DHRSX: variants seen among roughly 807,000 people sequenced by gnomAD.
The protein encoded by DHRSX is dehydrogenase/reductase X-linked.
A neutral mutation model predicts 34.0 loss-of-function variants in DHRSX; 31 were observed. The observed-to-expected ratio is 0.91, with a 90% CI of 0.69 to 1.23. DHRSX has a LOEUF of 1.23. Among genes scored for constraint, DHRSX ranks in the 50% most tolerant of loss-of-function variants. DHRSX has a pLI of 0.00. For synonymous variants in DHRSX, 201 were observed against 183.8 expected, an observed-to-expected ratio of 1.09 and a Z score of -0.76; for missense variants, 414 against 428.1, an observed-to-expected ratio of 0.97 and a Z score of 0.29.
At chrX:2,268,849 G>T (rs2041510614) in intron 4 of DHRSX, among the ~76,000 whole-genome samples, 2 of 152,200 alleles carry the variant, frequency 1.3e-5, no homozygotes, top group African/African-American at 4.8e-5. Context: ...ACATCTACGT[G>T]TATTGCACGC....
At chrX:2,335,350 C>CT (rs1488891413) in intron 3 of DHRSX, among the ~76,000 whole-genome samples, 29 of 151,840 alleles carry the variant, frequency 1.9e-4, no homozygotes, top group Non-Finnish European at 3.4e-4. Context: ...GAGAGGTACA[C>CT]TGGTTCCATC....
chrX:2,282,948 G>C (rs2041746571), intron 4 of DHRSX, among the ~76,000 whole-genome samples: 1 of 151,486 alleles, frequency 6.6e-6, no homozygotes, highest in South Asian at 2.1e-4. Context: ...AGACTGAGGA[G>C]AGAGAGAGAC....
intron 3 of DHRSX, among the ~76,000 whole-genome samples, chrX:2,309,039 A>C (rs1202906950): frequency 6.6e-6 from 1 of 152,168 alleles, no homozygotes; most frequent in Non-Finnish European, 1.5e-5. Flanking sequence ...TATCCTGATA[A>C]TATGTTACAT....
rs190188189 is a variant in DHRSX, at chrX:2,316,273, G to A, written c.287-24670C>T. Among the ~76,000 whole-genome samples, 961 of 152,168 alleles carry A rather than the reference G, an allele frequency of 6.3e-3. 7 individuals carry two copies. The highest frequency in any genetic ancestry group is 0.037 in the Middle Eastern group (11 of 294). Reference sequence around the variant, plus strand: ...TTCTTCAAAACCAGCAAAAAGGGCCGGCTGCGGTGGCTCACGCCTGTAATT... The same window carrying A: ...TTCTTCAAAACCAGCAAAAAGGGCCAGCTGCGGTGGCTCACGCCTGTAATT... On this transcript the variant is annotated intron_variant, in intron 3 of 6. Coordinates refer to ENST00000334651, the MANE Select transcript of DHRSX (RefSeq NM_145177.3).
intron 3 of DHRSX, among the ~76,000 whole-genome samples, chrX:2,341,399 G>A (rs2042637658): frequency 6.6e-6 from 1 of 152,070 alleles, no homozygotes; most frequent in South Asian, 2.1e-4. Flanking sequence ...AATTCTTCCT[G>A]CCTCTCCCAG....
intron 1 of DHRSX, among the ~76,000 whole-genome samples, chrX:2,447,045 T>C (rs1482776187): frequency 6.6e-6 from 1 of 150,806 alleles, no homozygotes; most frequent in Non-Finnish European, 1.5e-5. Flanking sequence ...GGGTACACAC[T>C]GAAGACATTC....
chrX:2,235,331 G>A (rs1272599338), intron 6 of DHRSX, among the ~76,000 whole-genome samples: 1 of 152,194 alleles, frequency 6.6e-6, no homozygotes, highest in African/African-American at 2.4e-5. Flanking sequence ...TACAGGTATA[G>A]TATTCACAGC....
chrX:2,253,367 CAT>C (rs1204553359), intron 5 of DHRSX, among the ~76,000 whole-genome samples: 1 of 120,540 alleles, frequency 8.3e-6, no homozygotes, highest in Non-Finnish European at 2.1e-5. Flanking sequence ...GGGAGGCGGA[CAT>C]GGCCGTGAGC....
Position 2,348,703 on chromosome X carries a change from T to A in DHRSX, c.287-57100A>T, listed in dbSNP as rs756117179. ...GGTCTCTTATTTTTATTTTTTTTTTTTTTATTTTGTTTTGTTGAGAGAGCC... is the reference window on the plus strand; with the variant it reads ...GGTCTCTTATTTTTATTTTTTTTTTATTTATTTTGTTTTGTTGAGAGAGCC... On this transcript the variant is annotated intron_variant, in intron 3 of 6. Coordinates refer to ENST00000334651, the MANE Select transcript of DHRSX (RefSeq NM_145177.3). Among the ~76,000 whole-genome samples the A allele has an allele frequency of 4.0e-4, 61 of 151,912 alleles. No homozygotes were observed. The East Asian group carries it at 0.011, about 27-fold the overall frequency.
At chrX:2,355,290 T>C (rs1213397872) in intron 3 of DHRSX, among the ~76,000 whole-genome samples, 3 of 152,016 alleles carry the variant, frequency 2.0e-5, no homozygotes, top group African/African-American at 4.8e-5. Context: ...GGACGACGGA[T>C]TGCTTGAGCT....
intron 3 of DHRSX, among the ~76,000 whole-genome samples, chrX:2,314,200 GGAAGA>G (rs2042198400): frequency 3.4e-5 from 2 of 59,454 alleles, no homozygotes; most frequent in African/African-American, 8.0e-5. Context: ...AAGGAGGGAA[GGAAGA>G]GAGGGAGGGA....
chrX:2,428,475 A>G (rs1019843837), intron 1 of DHRSX, among the ~76,000 whole-genome samples: 1 of 152,176 alleles, frequency 6.6e-6, no homozygotes, highest in Non-Finnish European at 1.5e-5. Context: ...TTGCAGGGAC[A>G]TGGATGAAGC....
At chrX:2,469,299 T>G (rs1488342680) in intron 1 of DHRSX, among the ~76,000 whole-genome samples, 1 of 148,222 alleles carries the variant, frequency 6.7e-6, no homozygotes, top group African/African-American at 2.5e-5. Context: ...CTGAAGACAT[T>G]CCCTAAGAAT....
intron 3 of DHRSX, among the ~76,000 whole-genome samples, chrX:2,321,688 T>C (rs139544189): frequency 1.6e-4 from 24 of 152,060 alleles, no homozygotes; most frequent in African/African-American, 5.1e-4. Flanking sequence ...TCCAGTACTA[T>C]AGAGAAATAA....
At chrX:2,435,301 A>C (rs2043978971) in intron 1 of DHRSX, among the ~76,000 whole-genome samples, 1 of 152,122 alleles carries the variant, frequency 6.6e-6, no homozygotes, top group Non-Finnish European at 1.5e-5. Context: ...AAAACATAAG[A>C]TCAATGCATT....
chrX:2,299,671 A>G (rs1238436777), intron 3 of DHRSX, among the ~76,000 whole-genome samples: 1 of 152,078 alleles, frequency 6.6e-6, no homozygotes, highest in African/African-American at 2.4e-5. Flanking sequence ...CCTGGCCAAC[A>G]TGGTGAAATC....
At position 2,344,355 on chromosome X, in the gene DHRSX, T is replaced by C. The variant is rs192037139; in HGVS notation, c.287-52752A>G. 2.5e-3 allele frequency among the ~76,000 whole-genome samples: 375 copies of C among 152,274 alleles called. 4 individuals are homozygous for C. The highest frequency in any genetic ancestry group is 8.5e-3 in the African/African-American group (355 of 41,554). On this transcript the variant is annotated intron_variant, in intron 3 of 6. Coordinates refer to ENST00000334651, the MANE Select transcript of DHRSX (RefSeq NM_145177.3). Reference sequence around the variant, plus strand: ...AAAAAAGTCAGGAAACGAGAGATGCTGGAGAGGATGTGGAGAAATAGGAAC... The same window carrying C: ...AAAAAAGTCAGGAAACGAGAGATGCCGGAGAGGATGTGGAGAAATAGGAAC...
intron 2 of DHRSX, among the ~76,000 whole-genome samples, chrX:2,419,777 A>T (rs1217014406): frequency 1.5e-5 from 2 of 130,540 alleles, no homozygotes; most frequent in South Asian, 2.4e-4. Context: ...ATGAGAACAC[A>T]TGGACACAGG....
At chrX:2,300,687 C>G (rs778589874) in intron 3 of DHRSX, among the ~76,000 whole-genome samples, 1 of 152,302 alleles carries the variant, frequency 6.6e-6, no homozygotes, top group Admixed American at 6.5e-5. Flanking sequence ...AGCACTCGGG[C>G]TGGCTTCCTT....
Sources: gnomAD v4.1 joint callset for allele counts (sites outside exome capture counted in the v4.1 genomes callset) on GRCh38, gnomAD v4.1.1 for gene constraint, MANE v1.5 for transcripts, NCBI Gene and HGNC (gene_info 2026-07-23, HGNC 2026-07-21) for gene names.